TAF6: variants seen among roughly 807,000 people sequenced by gnomAD.
TAF6 encodes transcription initiation factor TFIID subunit 6.
TAF6 carries 50 observed loss-of-function variants against 73.5 expected under a neutral mutation model. That is an observed-to-expected ratio of 0.68 (90% CI 0.54 to 0.86). TAF6 has a LOEUF of 0.86. Ranked by LOEUF, TAF6 falls within the 40% of genes least tolerant of loss-of-function variation. TAF6 has a pLI of 0.00. For missense variants in TAF6, 768 were observed against 899.5 expected (o/e 0.85, Z 1.87); for synonymous variants, 424 against 376.7 (o/e 1.13, Z -1.45).
At chr7:100,112,764 A>C in intron 6 of TAF6, 34 bp downstream of exon 6, 1 of 1,556,272 alleles carries the variant, frequency 6.4e-7, no homozygotes, top group Non-Finnish European at 8.7e-7. Context: ...GCTTTGGGCA[A>C]GAGTCCAGAG....
chr7:100,108,164 T>G, intron 13 of TAF6, 41 bp from the exon 14 acceptor site: 8 of 1,555,622 alleles, frequency 5.1e-6, no homozygotes, highest in Middle Eastern at 4.5e-4. Flanking sequence ...CACCATCTAC[T>G]AAGAAGAGGA....
upstream of TAF6, chr7:100,122,232 C>T: frequency 6.2e-7 from 1 of 1,613,092 alleles, no homozygotes; most frequent in South Asian, 1.1e-5. Context: ...CTTTTACCTC[C>T]CCCCGGACGT....
chr7:100,113,703 G>C lies in TAF6; in HGVS notation c.310C>G (p.Leu104Val), dbSNP rs757319589. ...ACCTCCTTCTCCTCATAGAAGTAAA[G>C]CTCCCGGCCCCCACCAGAGGCGAAG... Reference protein sequence around the residue: ...FRFASGGGRELYFYEEKEVDL... With the variant: ...FRFASGGGREVYFYEEKEVDL... Residue 104 changes from leucine to valine, a missense_variant, in exon 4 of 15, where the codon CTT becomes GTT. Physicochemically the swap from Leu to Val is conservative, Grantham distance 32 (BLOSUM62 1). This residue lies in a region of TAF6 where 269 missense variants were observed against 268.0 expected (regional missense o/e 1.00). Transcript: ENST00000453269. 1 of 1,614,084 alleles carries C rather than the reference G, an allele frequency of 6.2e-7. No individual in the cohort carries two copies. Among genetic ancestry groups the C allele is most frequent in the Non-Finnish European group, 8.5e-7 (1 of 1,180,012 alleles).
intron 12 of TAF6, chr7:100,108,768 A>G (rs1282149394): frequency 9.3e-6 from 4 of 429,288 alleles, no homozygotes; most frequent in Non-Finnish European, 1.7e-5. Flanking sequence ...CAGGTGCAGC[A>G]TCTTAGGCCT....
chr7:100,122,043 C>T, upstream of TAF6: 1 of 418,382 alleles, frequency 2.4e-6, no homozygotes, highest in Non-Finnish European at 4.1e-6. Flanking sequence ...GAGCGAGAGT[C>T]CGTCTGAAAA....
At chr7:100,123,018 C>T (rs1047635058), upstream of TAF6, 44 of 1,186,028 alleles carry the variant, frequency 3.7e-5, 1 homozygote, top group Non-Finnish European at 7.0e-6. Flanking sequence ...GGGAAGGGGC[C>T]AGAGTGAGGA....
chr7:100,109,958 C>T lies in TAF6; in HGVS notation c.1274G>A (p.Ser425Asn), dbSNP rs201637591. ...AGGGGCTTCAGTCACCAGCAGGAGG[C>T]TCTGCACATGGTCTGCTCCAATCCG... Reference protein sequence around the residue: ...IDRIGADHVQSLLLKHCAPVL... With the variant: ...IDRIGADHVQNLLLKHCAPVL... Residue 425 changes from serine (S) to asparagine (N), a missense_variant, in exon 12 of 15, where the codon AGC becomes AAC. Transcript: ENST00000453269. 4 of 1,614,146 alleles carry T rather than the reference C, an allele frequency of 2.5e-6. No individual in the cohort carries two copies. Among genetic ancestry groups the T allele is most frequent in the Non-Finnish European group, 3.4e-6 (4 of 1,180,014 alleles).
At chr7:100,127,053 C>T in the TAF6 span, 1 of 288,616 alleles carries the variant, frequency 3.5e-6, no homozygotes, top group Admixed American at 5.1e-5. The surrounding 1 kb of genome is among the most constrained non-coding windows in gnomAD (Gnocchi z 4.6). Context: ...CAAGACCTAG[C>T]AGAGGCCCAA....
chr7:100,118,784 G>T, intron 1 of TAF6: 1 of 908,846 alleles, frequency 1.1e-6, no homozygotes, highest in South Asian at 5.1e-5. Context: ...GAAGAGGGAG[G>T]CCGAAAAACA....
upstream of TAF6, among the ~76,000 whole-genome samples, chr7:100,123,170 C>T (rs955416385): frequency 3.9e-5 from 6 of 151,920 alleles, no homozygotes; most frequent in South Asian, 4.2e-4. Context: ...GGCAAAACCC[C>T]GTCTTTAATA....
At chr7:100,115,503 A>C (rs1157475017) in intron 1 of TAF6, 1 of 152,102 alleles carries the variant, frequency 6.6e-6, no homozygotes, top group Non-Finnish European at 1.5e-5. Flanking sequence ...CTCTACTAAA[A>C]ATACAAAAAT....
At chr7:100,109,871 G>A in intron 12 of TAF6, 77 bp downstream of exon 12, 2 of 1,576,184 alleles carry the variant, frequency 1.3e-6, no homozygotes, top group African/African-American at 1.4e-5. Context: ...GGGAGTAAGT[G>A]AATAAAATAT....
rs565026490 is a variant in TAF6, at chr7:100,108,481, A to G, written c.1344T>C (p.Tyr448=). 2.5e-5 allele frequency: 40 copies of G among 1,613,940 alleles called. 1 individual carries two copies. The Middle Eastern group carries it at 9.9e-4, about 40-fold the overall frequency. ...LRPPPDNQDA[Y]RAEFGSLGPL... ...GCCCAAGGGACCCGAATTCTGCCCGATAGGCGTCCTGATTGTCAGGCGGTG... is the reference window on the plus strand; with the variant it reads ...GCCCAAGGGACCCGAATTCTGCCCGGTAGGCGTCCTGATTGTCAGGCGGTG... Residue 448 remains tyrosine, a synonymous_variant, in exon 13 of 15, where the codon TAT becomes TAC. Coordinates refer to ENST00000453269, the MANE Select transcript of TAF6 (RefSeq NM_139315.3).
upstream of TAF6, chr7:100,122,522 G>A (rs749229095): frequency 1.2e-5 from 19 of 1,613,834 alleles, no homozygotes; most frequent in African/African-American, 9.3e-5. Flanking sequence ...TTATGTGAGC[G>A]GATCCTGGAC....
rs755135145 is a variant in TAF6 at position 100,108,513 on chromosome 7, G to A, written c.1312C>T (p.Leu438=). ...TCCTGATTGTCAGGCGGTGGGCGCA[G>A]CTTTGCCAGAACAGGAGCACAGTGT... is the stretch of plus-strand genomic sequence containing the variant. ...LKHCAPVLAK[L]RPPPDNQDAY... is the part of the protein sequence containing the mutation. Residue 438 remains leucine, a synonymous_variant, in exon 13 of 15, where the codon CTG becomes TTG. Coordinates refer to ENST00000453269, the MANE Select transcript of TAF6 (RefSeq NM_139315.3). The A allele has an allele frequency of 4.0e-5, 65 of 1,612,262 alleles. No homozygotes were observed. The Middle Eastern group carries it at 4.9e-4, about 12-fold the overall frequency.
At chr7:100,107,903 C>G in intron 14 of TAF6, 23 bp downstream of exon 14, 1 of 1,584,868 alleles carries the variant, frequency 6.3e-7, no homozygotes, top group Non-Finnish European at 8.6e-7. Context: ...TCCAGATGCT[C>G]CCTGTCCCAC....
At chr7:100,122,614 G>T (rs776905255), upstream of TAF6, 2 of 1,557,326 alleles carry the variant, frequency 1.3e-6, no homozygotes, top group Middle Eastern at 3.4e-4. Context: ...CCACTTCTCA[G>T]ATACAAAGAT....
upstream of TAF6, chr7:100,119,473 C>T (rs551458274): frequency 9.6e-5 from 129 of 1,342,794 alleles, no homozygotes; most frequent in African/African-American, 1.7e-3. Context: ...TTTGTTTCTA[C>T]ATCTATATAT....
Position 100,119,342 on chromosome 7 carries a change from C to T in TAF6, c.-198G>A. On this transcript the variant is annotated 5_prime_UTR_variant, in exon 1 of 15. Coordinates refer to ENST00000453269, the MANE Select transcript of TAF6 (RefSeq NM_139315.3). ...GACGCTGCTCACCCGGCGCTCGGCG[C>T]CATCTTGGCCCCGCCCCCTCGTGGG... The T allele has an allele frequency of 6.8e-6, 7 of 1,035,674 alleles. No individual in the cohort carries two copies. The highest frequency in any genetic ancestry group is 8.1e-6 in the Non-Finnish European group (7 of 860,366). The allele number at this position is 1,035,674 out of a possible 1,614,324, so 64.2% of individuals were successfully genotyped here. A position where few individuals can be genotyped will look rare whatever the true frequency, so the allele number is the denominator to read the frequency against.
Sources: allele counts gnomAD v4.1 joint callset (sites outside exome capture counted in the v4.1 genomes callset), GRCh38; gene constraint gnomAD v4.1.1; regional missense constraint gnomAD v4.1.1; non-coding constraint Gnocchi (gnomAD v3.1); transcripts MANE v1.5; gene names NCBI Gene and HGNC (gene_info 2026-07-23, HGNC 2026-07-21).